MCM9: variants seen among roughly 807,000 people sequenced by gnomAD.
MCM9 encodes the protein DNA helicase MCM9.
MCM9 carries 55 observed loss-of-function variants against 72.8 expected under a neutral mutation model. The ratio of observed to expected loss-of-function variants is 0.76; its 90% CI spans 0.61 to 0.95. The LOEUF (loss-of-function observed/expected upper bound fraction) is 0.95. Among genes scored for constraint, MCM9 ranks in the 40% least tolerant of loss-of-function variants. The pLI is 0.00. For synonymous variants in MCM9, 480 were observed against 503.4 expected, an observed-to-expected ratio of 0.95 and a Z score of 0.62; for missense variants, 1,279 against 1,377.0, an observed-to-expected ratio of 0.93 and a Z score of 1.13.
At chr6:118,912,859 G>C (rs1780651181) in intron 7 of MCM9, 1 of 157,100 alleles carries the variant, frequency 6.4e-6, no homozygotes, top group South Asian at 1.9e-4. Flanking sequence ...CTATCTACCA[G>C]CAGAAGGAGA....
At chr6:118,844,839 G>T (rs1775747296) in intron 9 of MCM9, among the ~76,000 whole-genome samples, 1 of 151,856 alleles carries the variant, frequency 6.6e-6, no homozygotes, top group Admixed American at 6.6e-5. Flanking sequence ...CTGACAAACA[G>T]ACTCTTGTTT....
At chr6:118,903,584 A>C (rs1779957449) in intron 8 of MCM9, among the ~76,000 whole-genome samples, 1 of 152,192 alleles carries the variant, frequency 6.6e-6, no homozygotes, top group Admixed American at 6.5e-5. Flanking sequence ...CAGCACATAA[A>C]AAAGGAATCT....
intron 3 of MCM9, among the ~76,000 whole-genome samples, chr6:118,928,326 G>C (rs1447312473): frequency 6.6e-6 from 1 of 152,024 alleles, no homozygotes; most frequent in African/African-American, 2.4e-5. Context: ...CAGGAGAATC[G>C]CTTGAACCTG....
chr6:118,863,152 C>T (rs528880844), intron 8 of MCM9, among the ~76,000 whole-genome samples: 13 of 152,066 alleles, frequency 8.5e-5, no homozygotes, highest in South Asian at 2.1e-4. Flanking sequence ...ATAGAAACAA[C>T]GTATTTAATT....
chr6:118,863,380 A>G (rs1316135033), intron 8 of MCM9, among the ~76,000 whole-genome samples: 2 of 152,232 alleles, frequency 1.3e-5, no homozygotes, highest in East Asian at 3.8e-4. Context: ...AAAGTTTTTA[A>G]AAAGGCATAT....
chr6:118,925,872 G>T (rs540527753), intron 3 of MCM9, among the ~76,000 whole-genome samples: 2 of 151,810 alleles, frequency 1.3e-5, no homozygotes, highest in Admixed American at 1.3e-4. Context: ...TAGATTCTCA[G>T]TTACATTTAT....
Position 118,815,179 on chromosome 6 carries a change from G to A in MCM9, c.3077C>T (p.Thr1026Ile). Residue 1026 changes from threonine (T) to isoleucine (I), a missense_variant, in exon 14 of 14, where the codon ACT becomes ATT. Physicochemically the swap from Thr to Ile is moderately conservative, Grantham distance 89. Coordinates refer to ENST00000619706, the MANE Select transcript of MCM9 (RefSeq NM_017696.3). ...CTCACAAGTAAGATGAGCACACCCA[G>A]TCTCGTTCCCAAGCTCTAATTCAGG... ...IQPELELGNE[T>I]GCAHLTCEGD... 1 of 1,550,510 alleles carries A rather than the reference G, an allele frequency of 6.4e-7. No individual in the cohort carries two copies. The highest frequency in any genetic ancestry group is 8.7e-7 in the Non-Finnish European group (1 of 1,146,970).
rs1781065714 is a variant in MCM9 at position 118,917,578 on chromosome 6, T to G, written c.887A>C (p.Lys296Thr). 4 of 1,614,048 alleles carry G rather than the reference T, an allele frequency of 2.5e-6. No homozygotes were observed. Among genetic ancestry groups the G allele is most frequent in the Non-Finnish European group, 3.4e-6 (4 of 1,180,026 alleles). ...KEFEDFWEYY[K>T]SDPFAGRNVI... Reference sequence around the variant, plus strand: ...ACACAAACCTGCAAAGGGATCGCTCTTATAGTATTCCCAAAAATCTTCGAA... The same window carrying G: ...ACACAAACCTGCAAAGGGATCGCTCGTATAGTATTCCCAAAAATCTTCGAA... Residue 296 changes from lysine to threonine, a missense_variant, in exon 6 of 14, where the codon AAG (lysine) becomes ACG (threonine). Transcript: ENST00000619706.
At chr6:118,843,068 AC>A (rs1205034145) in intron 9 of MCM9, among the ~76,000 whole-genome samples, 1 of 152,192 alleles carries the variant, frequency 6.6e-6, no homozygotes, top group African/African-American at 2.4e-5. Flanking sequence ...TAAGTGTTTT[AC>A]CATTTTTTCT....
chr6:118,840,532 A>T (rs1021485861), intron 9 of MCM9, among the ~76,000 whole-genome samples: 4 of 152,170 alleles, frequency 2.6e-5, no homozygotes, highest in African/African-American at 9.7e-5. Context: ...GCCAGAGAAC[A>T]GCCCACGCAG....
At chr6:118,863,976 T>C (rs910001863) in intron 8 of MCM9, among the ~76,000 whole-genome samples, 6 of 150,332 alleles carry the variant, frequency 4.0e-5, no homozygotes, top group Admixed American at 1.3e-4. Flanking sequence ...TCTAAATATA[T>C]CAATTAAGAC....
At chr6:118,848,726 C>T (rs1776038240) in intron 9 of MCM9, among the ~76,000 whole-genome samples, 1 of 152,062 alleles carries the variant, frequency 6.6e-6, no homozygotes, top group African/African-American at 2.4e-5. Context: ...GAGTTTGAGA[C>T]CAGACTGTGC....
intron 5 of MCM9, 120 bp downstream of exon 5, chr6:118,921,885 T>C: frequency 1.4e-6 from 1 of 709,642 alleles, no homozygotes; most frequent in South Asian, 2.0e-5. Flanking sequence ...AATCTCAAGG[T>C]GAGCAATTAC....
intron 9 of MCM9, among the ~76,000 whole-genome samples, chr6:118,847,504 G>C (rs1775950276): frequency 6.7e-6 from 1 of 149,566 alleles, no homozygotes; most frequent in Admixed American, 6.7e-5. Flanking sequence ...TATAATAAAG[G>C]GTGCTAAGGA....
At chr6:118,913,167 C>A (rs916992646) in intron 7 of MCM9, 128 bp downstream of exon 7, 9 of 1,057,836 alleles carry the variant, frequency 8.5e-6, no homozygotes, top group African/African-American at 4.8e-5. Context: ...GATATTCAGA[C>A]AACTGTCAGT....
chr6:118,886,260 G>T lies in MCM9; in HGVS notation c.1150+25390C>A, dbSNP rs527370996. Reference sequence around the variant, plus strand: ...AAAGGACTGAAAATTTTCCCATTAAGATCAGGAACAAGACAGAGATGTTTG... The same window carrying T: ...AAAGGACTGAAAATTTTCCCATTAATATCAGGAACAAGACAGAGATGTTTG... On this transcript the variant is annotated intron_variant, in intron 8 of 13. Transcript: ENST00000619706. 3.9e-4 allele frequency among the ~76,000 whole-genome samples: 59 copies of T among 152,136 alleles called. No individual in the cohort carries two copies. In the South Asian group the frequency reaches 5.8e-3, roughly 15 times the overall value.
intron 13 of MCM9, among the ~76,000 whole-genome samples, chr6:118,816,817 G>A (rs1226441225): frequency 6.6e-6 from 1 of 151,576 alleles, no homozygotes; most frequent in Admixed American, 6.6e-5. Flanking sequence ...GAGTGCATCT[G>A]AGCAGTCACC....
chr6:118,880,321 T>G (rs1778209067), intron 8 of MCM9, among the ~76,000 whole-genome samples: 1 of 152,132 alleles, frequency 6.6e-6, no homozygotes, highest in Non-Finnish European at 1.5e-5. Flanking sequence ...ACTCGAGGTG[T>G]TTGAAGAGGA....
At position 118,935,103 on chromosome 6, in the gene MCM9, G is replaced by T. The variant is rs1354133920; in HGVS notation, c.-362C>A. 3.3e-5 allele frequency: 5 copies of T among 152,110 alleles called. No homozygotes were observed. The highest frequency in any genetic ancestry group is 1.2e-4 in the African/African-American group (5 of 41,440). The allele number at this position is 152,110 out of a possible 1,614,324, so 9.4% of individuals were successfully genotyped here. On this transcript the variant is annotated 5_prime_UTR_variant, in exon 1 of 14. Transcript: ENST00000619706. ...GCGGCTCTGCCGGGCCTGCGCTCTC[G>T]ACCGACGCCGGGCCGCGCACCGCCT...
Sources: gnomAD v4.1 joint callset for allele counts (sites outside exome capture counted in the v4.1 genomes callset) on GRCh38, gnomAD v4.1.1 for gene constraint, MANE v1.5 for transcripts, NCBI Gene and HGNC (gene_info 2026-07-23, HGNC 2026-07-21) for gene names.